Variants in HIPK2 observed in about 807,000 individuals in gnomAD.
The protein encoded by HIPK2 is homeodomain-interacting protein kinase 2.
HIPK2 carries 27 observed loss-of-function variants against 113.7 expected under a neutral mutation model. That is an observed-to-expected ratio of 0.24 (90% CI 0.17 to 0.33). HIPK2 has a LOEUF of 0.33. Ranked by LOEUF, HIPK2 falls within the 10% of genes least tolerant of loss-of-function variation. The pLI, the probability that HIPK2 is intolerant of heterozygous loss-of-function variation, is 1.00. For synonymous variants in HIPK2, 631 were observed against 642.2 expected (o/e 0.98, Z 0.26); for missense variants, 1,257 against 1,588.0 (o/e 0.79, Z 3.54).
At chr7:139,766,668 C>T (rs1165400526) in intron 1 of HIPK2, among the ~76,000 whole-genome samples, 2 of 152,200 alleles carry the variant, frequency 1.3e-5, no homozygotes, top group African/African-American at 4.8e-5. Context: ...CATGCGCTGG[C>T]GACAAGTGGA....
At position 139,614,214 on chromosome 7, in the gene HIPK2, A is replaced by G. The variant is rs1799938492; in HGVS notation, c.1990+72T>C. On this transcript the variant is annotated intron_variant, in intron 8 of 14. Transcript: ENST00000406875. The stretch of plus-strand genomic sequence containing the variant: ...CTCCATGAAAATGAGCGTGACAGAA[A>G]ACTGCAGGTGCCGGAGCCCCAGAGG... 7.1e-6 allele frequency: 9 copies of G among 1,259,230 alleles called. 1 individual carries two copies. The South Asian group carries it at 2.1e-4, about 30-fold the overall frequency. 78.0% of individuals were successfully genotyped at this position (1,259,230 alleles called of 1,614,324 possible).
intron 1 of HIPK2, among the ~76,000 whole-genome samples, chr7:139,731,961 A>T (rs1328768678): frequency 1.3e-5 from 2 of 152,296 alleles, no homozygotes; most frequent in East Asian, 3.9e-4. Context: ...GGGAGAGGGA[A>T]GAGCAGGAAG....
intron 11 of HIPK2, among the ~76,000 whole-genome samples, chr7:139,599,478 A>T (rs2116675891): frequency 6.6e-6 from 1 of 152,326 alleles, no homozygotes; most frequent in Non-Finnish European, 1.5e-5. Flanking sequence ...TATAGATGGA[A>T]TCATACAGCA....
Position 139,564,110 on chromosome 7 carries a change from G to C in HIPK2, c.*8817C>G. ...CTGACCATCTCTGAGAGGATGCTAAGGTCCCCCTCCCACCGAACTAGACTT... is the reference window on the plus strand; with the variant it reads ...CTGACCATCTCTGAGAGGATGCTAACGTCCCCCTCCCACCGAACTAGACTT... On this transcript the variant is annotated 3_prime_UTR_variant, in exon 15 of 15. Transcript: ENST00000406875. The C allele has an allele frequency of 5.0e-6, 2 of 397,362 alleles. No individual in the cohort carries two copies. Among genetic ancestry groups the C allele is most frequent in the East Asian group, 3.6e-5 (1 of 28,048 alleles). The allele number at this position is 397,362 out of a possible 1,614,324, so 24.6% of individuals were successfully genotyped here.
At chr7:139,621,305 T>C (rs1424177562) in intron 6 of HIPK2, among the ~76,000 whole-genome samples, 1 of 152,250 alleles carries the variant, frequency 6.6e-6, no homozygotes, top group East Asian at 1.9e-4. Context: ...AGGTAATCAC[T>C]GGCTACCTTC....
At chr7:139,680,491 T>G (rs1802661988) in intron 2 of HIPK2, among the ~76,000 whole-genome samples, 1 of 152,184 alleles carries the variant, frequency 6.6e-6, no homozygotes, top group Admixed American at 6.5e-5. Context: ...GGGATGCTGT[T>G]TTATGAGGGC....
intron 1 of HIPK2, among the ~76,000 whole-genome samples, chr7:139,768,131 TAGAG>T (rs1236841696): frequency 1.3e-5 from 2 of 151,310 alleles, no homozygotes; most frequent in Non-Finnish European, 2.9e-5. Flanking sequence ...AGACCAGGAG[TAGAG>T]AGAGAGAATT....
At chr7:139,597,876 C>A (rs1317944862) in intron 11 of HIPK2, among the ~76,000 whole-genome samples, 1 of 152,136 alleles carries the variant, frequency 6.6e-6, no homozygotes, top group Non-Finnish European at 1.5e-5. Context: ...GGGTGAACAT[C>A]TTTTACCTGA....
chr7:139,583,779 CAGGGAGAGGTTCCT>C (rs1342876108), intron 13 of HIPK2, 24 bp downstream of exon 13: 1 of 1,593,036 alleles, frequency 6.3e-7, no homozygotes, highest in Non-Finnish European at 8.6e-7. Flanking sequence ...AACCACTCTC[CAGGGAGAGGTTCCT>C]GCCCTGTCCT....
chr7:139,739,904 T>C (rs1420905799), intron 1 of HIPK2, among the ~76,000 whole-genome samples: 1 of 152,238 alleles, frequency 6.6e-6, no homozygotes, highest in Non-Finnish European at 1.5e-5. Flanking sequence ...TTCCCTTTTA[T>C]TGCCAAATAA....
intron 1 of HIPK2, among the ~76,000 whole-genome samples, chr7:139,765,244 T>G (rs1348626214): frequency 6.6e-6 from 1 of 152,152 alleles, no homozygotes; most frequent in Non-Finnish European, 1.5e-5. Context: ...GGAGGACCTA[T>G]CCTAACATCT....
intron 2 of HIPK2, among the ~76,000 whole-genome samples, chr7:139,675,079 T>A (rs1802450175): frequency 6.6e-6 from 1 of 152,176 alleles, no homozygotes; most frequent in South Asian, 2.1e-4. Context: ...GACATGGGTT[T>A]AATTGCTTGA....
At chr7:139,653,128 A>G (rs2116483932) in intron 2 of HIPK2, among the ~76,000 whole-genome samples, 1 of 125,308 alleles carries the variant, frequency 8.0e-6, no homozygotes, top group African/African-American at 3.2e-5. Flanking sequence ...TGACAGAGCA[A>G]GACTCTGTCT....
At chr7:139,587,263 G>T (rs1798862795) in intron 12 of HIPK2, among the ~76,000 whole-genome samples, 1 of 151,952 alleles carries the variant, frequency 6.6e-6, no homozygotes, top group African/African-American at 2.4e-5. Context: ...GCCGAGGTGG[G>T]TGGATCACCT....
At position 139,643,381 on chromosome 7, in the gene HIPK2, T is replaced by TACACAC. The variant is rs61058916; in HGVS notation, c.1104-11662_1104-11657dup. ...ATCTTGGCTCTGAATATGTACTAAA[T>TACACAC]ACACACACACACACACACACACACA... On this transcript the variant is annotated intron_variant, in intron 2 of 14. Coordinates refer to ENST00000406875, the MANE Select transcript of HIPK2 (RefSeq NM_022740.5). Among the ~76,000 whole-genome samples the TACACAC allele has an allele frequency of 1.1e-3, 156 of 148,326 alleles. 1 individual carries two copies. The highest frequency in any genetic ancestry group is 3.4e-3 in the Middle Eastern group (1 of 292).
chr7:139,747,357 G>A (rs73158618), intron 1 of HIPK2, among the ~76,000 whole-genome samples: 15 of 152,308 alleles, frequency 9.8e-5, no homozygotes, highest in South Asian at 4.1e-4. Context: ...TCTGCATCTG[G>A]ACGTTCCCAC....
At chr7:139,769,244 C>G (rs559360070) in intron 1 of HIPK2, among the ~76,000 whole-genome samples, 1 of 148,402 alleles carries the variant, frequency 6.7e-6, no homozygotes. Context: ...CCCAACTCCA[C>G]GGCCGCAGTG....
intron 2 of HIPK2, among the ~76,000 whole-genome samples, chr7:139,700,992 T>TA (rs1378736821): frequency 6.6e-6 from 1 of 152,234 alleles, no homozygotes; most frequent in African/African-American, 2.4e-5. Flanking sequence ...CGGAAAAATT[T>TA]AAAAATAGCA....
intron 2 of HIPK2, among the ~76,000 whole-genome samples, chr7:139,650,409 G>A (rs1801415746): frequency 6.7e-6 from 1 of 148,958 alleles, no homozygotes; most frequent in Non-Finnish European, 1.5e-5. Context: ...GAACACAATA[G>A]TAAGTGGGCT....
Sources: gnomAD v4.1 joint callset for allele counts (sites outside exome capture counted in the v4.1 genomes callset) on GRCh38, gnomAD v4.1.1 for gene constraint, MANE v1.5 for transcripts, NCBI Gene and HGNC (gene_info 2026-07-23, HGNC 2026-07-21) for gene names.